Variants in BLTP3A observed in about 807,000 individuals in gnomAD.
BLTP3A encodes the protein bridge-like lipid transfer protein family member 3A, also known as ICBP90 binding protein 1.
chr6:34,802,874 G>C, the BLTP3A span, among the ~76,000 whole-genome samples: 2 of 151,990 alleles, frequency 1.3e-5, no homozygotes, highest in South Asian at 4.2e-4. Context: ...TATATTATAT[G>C]TAAAAAAAAT....
chr6:34,865,069 C>T, the BLTP3A span, among the ~76,000 whole-genome samples: 2 of 152,188 alleles, frequency 1.3e-5, no homozygotes, highest in East Asian at 1.9e-4. Context: ...TATATACACA[C>T]ACACATACAG....
At chr6:34,808,545 G>A in the BLTP3A span, among the ~76,000 whole-genome samples, 129 of 151,760 alleles carry the variant, frequency 8.5e-4, no homozygotes, top group South Asian at 8.3e-3. Flanking sequence ...ATTATAGATC[G>A]TACAGATGTT....
At chr6:34,826,790 T>C in the BLTP3A span, among the ~76,000 whole-genome samples, 1 of 152,192 alleles carries the variant, frequency 6.6e-6, no homozygotes, top group Non-Finnish European at 1.5e-5. Flanking sequence ...CTGTGTCCTT[T>C]TGACAAGACC....
At chr6:34,840,405 A>T in the BLTP3A span, among the ~76,000 whole-genome samples, 1 of 148,516 alleles carries the variant, frequency 6.7e-6, no homozygotes, top group Admixed American at 6.7e-5. Context: ...AAAAAAAAAA[A>T]AAATACAAAA....
chr6:34,851,471 T>G, the BLTP3A span, among the ~76,000 whole-genome samples: 1 of 152,120 alleles, frequency 6.6e-6, no homozygotes, highest in Non-Finnish European at 1.5e-5. Flanking sequence ...TCTCTTACTC[T>G]CCCCCATATA....
At chr6:34,804,611 G>A in the BLTP3A span, among the ~76,000 whole-genome samples, 2 of 152,096 alleles carry the variant, frequency 1.3e-5, no homozygotes, top group South Asian at 4.1e-4. Flanking sequence ...TGAATGTAGG[G>A]TTTGAGGGTG....
At chr6:34,857,825 A>G in the BLTP3A span, 1 of 1,614,172 alleles carries the variant, frequency 6.2e-7, no homozygotes, top group Non-Finnish European at 8.5e-7. Flanking sequence ...TTTATACCGC[A>G]GCTTGGAGCA....
At chr6:34,798,594 C>CTTTTTTTTTTTTT in the BLTP3A span, among the ~76,000 whole-genome samples, 114 of 94,450 alleles carry the variant, frequency 1.2e-3, no homozygotes, top group African/African-American at 4.6e-3. Context: ...TTCTTTCTTT[C>CTTTTTTTTTTTTT]TTTTTTTTTT....
At chr6:34,859,223 A>G in the BLTP3A span, 1 of 1,614,030 alleles carries the variant, frequency 6.2e-7, no homozygotes, top group East Asian at 2.2e-5. Context: ...GAACTGCAGG[A>G]CTCAGGTCCA....
chr6:34,823,901 A>G, the BLTP3A span, among the ~76,000 whole-genome samples: 1 of 151,702 alleles, frequency 6.6e-6, no homozygotes, highest in African/African-American at 2.4e-5. Context: ...TGGACACTAT[A>G]GTACTTGAAA....
the BLTP3A span, among the ~76,000 whole-genome samples, chr6:34,846,014 G>A: frequency 6.7e-6 from 1 of 148,458 alleles, no homozygotes; most frequent in African/African-American, 2.5e-5. Context: ...TAGGCAATAC[G>A]GATTCTCTAA....
At chr6:34,793,670 T>A in the BLTP3A span, among the ~76,000 whole-genome samples, 2 of 152,168 alleles carry the variant, frequency 1.3e-5, no homozygotes, top group African/African-American at 2.4e-5. Flanking sequence ...ATATTCTTTT[T>A]CAGGTGATAG....
the BLTP3A span, among the ~76,000 whole-genome samples, chr6:34,859,821 C>T: frequency 6.6e-6 from 1 of 152,168 alleles, no homozygotes; most frequent in African/African-American, 2.4e-5. Context: ...GTTAGCCAGG[C>T]TGGTCTTGAA....
the BLTP3A span, among the ~76,000 whole-genome samples, chr6:34,870,250 G>A: frequency 3.9e-5 from 6 of 152,038 alleles, no homozygotes; most frequent in Non-Finnish European, 7.4e-5. Flanking sequence ...TTTCCCTGGG[G>A]TTGTATTTCT....
At chr6:34,836,251 G>C in the BLTP3A span, 2 of 1,614,230 alleles carry the variant, frequency 1.2e-6, no homozygotes, top group Non-Finnish European at 1.7e-6. Flanking sequence ...GCCTCAGCCA[G>C]TACTTTGAGA....
chr6:34,836,935 A>G, the BLTP3A span, among the ~76,000 whole-genome samples: 1 of 152,202 alleles, frequency 6.6e-6, no homozygotes, highest in Non-Finnish European at 1.5e-5. Flanking sequence ...CCCTGGGGAA[A>G]CCACTTAATT....
the BLTP3A span, among the ~76,000 whole-genome samples, chr6:34,853,572 TC>T: frequency 2.6e-5 from 4 of 152,018 alleles, no homozygotes; most frequent in African/African-American, 9.7e-5. Flanking sequence ...TCTTTTCTTT[TC>T]TTTTTTTGAG....
At chr6:34,871,229 A>G in the BLTP3A span, 1 of 1,272,904 alleles carries the variant, frequency 7.9e-7, no homozygotes, top group African/African-American at 1.5e-5. Context: ...TCACTGTAAA[A>G]TATGGTGAGG....
chr6:34,863,677 G>C, the BLTP3A span, among the ~76,000 whole-genome samples: 2 of 152,166 alleles, frequency 1.3e-5, no homozygotes, highest in Non-Finnish European at 2.9e-5. Flanking sequence ...GGTGGCTTCA[G>C]GTGCCATTCA....
Sources: gnomAD v4.1 joint callset for allele counts (sites outside exome capture counted in the v4.1 genomes callset) on GRCh38, gnomAD v4.1.1 for gene constraint, MANE v1.5 for transcripts, NCBI Gene and HGNC (gene_info 2026-07-23, HGNC 2026-07-21) for gene names.